MROH7: variants seen among roughly 807,000 people sequenced by gnomAD.
MROH7 encodes maestro heat like repeat family member 7, also known as maestro heat-like repeat-containing protein family member 7.
In MROH7, 113 loss-of-function variants were observed where a neutral mutation model predicts 129.2. The observed-to-expected ratio is 0.87, with a 90% confidence interval of 0.75 to 1.02. The LOEUF (loss-of-function observed/expected upper bound fraction) is 1.02, where lower values mean the gene tolerates loss of function less well. MROH7 is among the 50% of genes least tolerant of loss of function. MROH7 has a pLI of 0.00. For synonymous variants in MROH7, 655 were observed against 667.9 expected (o/e 0.98, Z 0.30); for missense variants, 1,601 against 1,671.3 (o/e 0.96, Z 0.73).
chr1:54,678,935 C>A, intron 11 of MROH7, 81 bp downstream of exon 11: 1 of 1,154,006 alleles, frequency 8.7e-7, no homozygotes, highest in Non-Finnish European at 1.3e-6. Flanking sequence ...GCTTTCTTCC[C>A]TTCTAGCTTT....
Position 54,680,505 on chromosome 1 carries a change from G to A in MROH7, c.2381+460G>A, listed in dbSNP as rs576586597. On this transcript the variant is annotated intron_variant, in intron 13 of 23. Coordinates refer to ENST00000421030, the MANE Select transcript of MROH7 (RefSeq NM_001039464.4). ...TAGGCAAAAGAAGGAAATGATCCCT[G>A]CAATCCCACCCCAGGTGGGTGGTCA... Among the ~76,000 whole-genome samples, 12 of 152,218 alleles carry A rather than the reference G, an allele frequency of 7.9e-5. No individual in the cohort carries two copies. The South Asian group carries it at 2.5e-3, about 32-fold the overall frequency.
At position 54,699,150 on chromosome 1, in the gene MROH7, CTTTCTTTCT is replaced by C. The variant is rs1557727057; in HGVS notation, c.2965-1159_2965-1151del. The stretch of plus-strand genomic sequence containing the variant: ...TCTTTCTTTCTTTCTTTCTTTCTTT[CTTTCTTTCT>C]TTTCTTTCTTTCTTTCTTTCTTTCT... On this transcript the variant is annotated intron_variant, in intron 17 of 23. Coordinates refer to ENST00000421030, the MANE Select transcript of MROH7 (RefSeq NM_001039464.4). The C allele has an allele frequency of 2.9e-3, 227 of 78,722 alleles. 4 individuals are homozygous for C. The highest frequency in any genetic ancestry group is 0.014 in the Middle Eastern group (2 of 138). The allele number at this position is 78,722 out of a possible 1,614,324, so 4.9% of individuals were successfully genotyped here. A position where few individuals can be genotyped will look rare whatever the true frequency, so the allele number is the denominator to read the frequency against.
intron 3 of MROH7, among the ~76,000 whole-genome samples, chr1:54,664,688 G>A (rs188448845): frequency 1.3e-5 from 2 of 152,332 alleles, no homozygotes; most frequent in East Asian, 1.9e-4. Flanking sequence ...GGATTTTAGG[G>A]AGGGGGTGAC....
chr1:54,662,338 C>G (rs939894563), intron 3 of MROH7, among the ~76,000 whole-genome samples: 2 of 152,084 alleles, frequency 1.3e-5, no homozygotes, highest in Non-Finnish European at 2.9e-5. Context: ...CAGTTCAAGA[C>G]CAGCCTGGCC....
intron 6 of MROH7, 91 bp downstream of exon 6, chr1:54,670,667 A>ACCCCCCCCCCCCCCTTT: frequency 1.0e-6 from 1 of 960,106 alleles, no homozygotes; most frequent in Non-Finnish European, 1.5e-6. Flanking sequence ...CCCTCCCCCA[A>ACCCCCCCCCCCCCCTTT]CCCGCCCCCA....
intron 16 of MROH7, 50 bp from the exon 17 acceptor site, chr1:54,695,326 C>T (rs1645302321): frequency 2.0e-6 from 2 of 989,180 alleles, no homozygotes; most frequent in Non-Finnish European, 3.1e-6. Flanking sequence ...CCCCACAGGT[C>T]CCCCTGGGGC....
chr1:54,680,792 G>C (rs1645057240), intron 13 of MROH7, among the ~76,000 whole-genome samples: 1 of 152,234 alleles, frequency 6.6e-6, no homozygotes, highest in Admixed American at 6.5e-5. Context: ...CCAAAGAACT[G>C]TGCAGAGCTG....
intron 10 of MROH7, among the ~76,000 whole-genome samples, chr1:54,675,652 C>A (rs900531421): frequency 6.6e-6 from 1 of 150,814 alleles, no homozygotes; most frequent in Non-Finnish European, 1.5e-5. Flanking sequence ...GGCTAGAGTG[C>A]GGTGGCACGA....
At chr1:54,688,156 G>T (rs1645179910) in intron 15 of MROH7, among the ~76,000 whole-genome samples, 1 of 147,034 alleles carries the variant, frequency 6.8e-6, no homozygotes, top group Non-Finnish European at 1.5e-5. Context: ...GGAGGCAGAG[G>T]TTACAGTGAG....
At chr1:54,684,273 C>A (rs534198833) in intron 14 of MROH7, among the ~76,000 whole-genome samples, 1 of 152,114 alleles carries the variant, frequency 6.6e-6, no homozygotes, top group Non-Finnish European at 1.5e-5. Flanking sequence ...TTCCATGTCT[C>A]CCCCCAGGTC....
At chr1:54,700,709 G>T (rs1439456151) in intron 18 of MROH7, among the ~76,000 whole-genome samples, 1 of 152,210 alleles carries the variant, frequency 6.6e-6, no homozygotes, top group Non-Finnish European at 1.5e-5. Flanking sequence ...AGGGCAAAGG[G>T]TGGCACAAGT....
Position 54,670,488 on chromosome 1 carries a change from C to A in MROH7, c.1390-9C>A. ...GTCCTCATCGGCCCTTCTGTGGCCC[C>A]CTGTCCAGAGGCAGATCCAGGAGGA... On this transcript the variant is annotated splice_polypyrimidine_tract_variant and intron_variant, in intron 5 of 23. Transcript: ENST00000421030. 3 of 1,613,388 alleles carry A rather than the reference C, an allele frequency of 1.9e-6. No individual in the cohort carries two copies. Among genetic ancestry groups the A allele is most frequent in the Non-Finnish European group, 2.5e-6 (3 of 1,179,676 alleles).
intron 22 of MROH7, among the ~76,000 whole-genome samples, chr1:54,708,288 A>G (rs1184871331): frequency 3.9e-5 from 6 of 152,218 alleles, no homozygotes; most frequent in African/African-American, 1.4e-4. Flanking sequence ...TTAGCTGGAC[A>G]TAGTGGCAAA....
At chr1:54,694,491 G>A (rs1569971722) in intron 16 of MROH7, among the ~76,000 whole-genome samples, 1 of 152,088 alleles carries the variant, frequency 6.6e-6, no homozygotes. Flanking sequence ...TTTTGAGATG[G>A]AGTCTCACTC....
intron 4 of MROH7, among the ~76,000 whole-genome samples, chr1:54,668,405 CCTT>C (rs1644844706): frequency 1.3e-5 from 2 of 152,296 alleles, no homozygotes; most frequent in Admixed American, 6.5e-5. Flanking sequence ...TGTTTATTTT[CCTT>C]CTTCTCCCTT....
intron 19 of MROH7, among the ~76,000 whole-genome samples, 190 bp downstream of exon 19, chr1:54,701,512 A>G (rs980640455): frequency 2.0e-5 from 3 of 152,176 alleles, no homozygotes; most frequent in African/African-American, 7.2e-5. Context: ...TGGTTCTGAC[A>G]GAGGAAGCTC....
intron 3 of MROH7, among the ~76,000 whole-genome samples, chr1:54,660,845 G>A (rs1644721226): frequency 6.6e-6 from 1 of 151,966 alleles, no homozygotes; most frequent in Non-Finnish European, 1.5e-5. Flanking sequence ...AAAAAAAAGA[G>A]AAAAATAAAA....
At chr1:54,690,674 A>T (rs955580150) in intron 15 of MROH7, among the ~76,000 whole-genome samples, 1 of 152,068 alleles carries the variant, frequency 6.6e-6, no homozygotes, top group African/African-American at 2.4e-5. Flanking sequence ...CGATCTCCTG[A>T]CCTCGTGATC....
intron 23 of MROH7, 42 bp downstream of exon 23, chr1:54,709,118 A>G: frequency 6.3e-7 from 1 of 1,585,244 alleles, no homozygotes; most frequent in Non-Finnish European, 8.7e-7. Context: ...GGGGACAGTG[A>G]GACAGTGAGT....
Sources: allele counts gnomAD v4.1 joint callset (sites outside exome capture counted in the v4.1 genomes callset), GRCh38; gene constraint gnomAD v4.1.1; transcripts MANE v1.5; gene names NCBI Gene and HGNC (gene_info 2026-07-23, HGNC 2026-07-21).